The following MINK1 variants were observed in gnomAD, a reference collection of about 807,000 sequenced individuals.
MINK1 encodes the protein misshapen-like kinase 1.
MINK1 carries 46 observed loss-of-function variants against 178.4 expected under a neutral mutation model. That is an observed-to-expected ratio of 0.26 (90% CI 0.20 to 0.33). MINK1 has a LOEUF of 0.33. MINK1 is among the 10% of genes least tolerant of loss of function. The probability of loss-of-function intolerance (pLI) is 1.00; values close to 1 mark genes in which losing one functional copy is unlikely to be tolerated. For synonymous variants in MINK1, 797 were observed against 709.7 expected (o/e 1.12, Z -1.96); for missense variants, 1,366 against 1,814.9 (o/e 0.75, Z 4.49).
At position 4,892,252 on chromosome 17, in the gene MINK1, C is replaced by T. The variant is rs375042065; in HGVS notation, c.2087+18C>T. On this transcript the variant is annotated intron_variant, in intron 17 of 31. Coordinates refer to ENST00000355280, the MANE Select transcript of MINK1 (RefSeq NM_153827.5). ...CGTGCCAGGTAATGCCTGGGTAGGG[C>T]AACGCCTGGGTGAGGTCTGAGGGCA... 19 of 1,556,174 alleles carry T rather than the reference C, an allele frequency of 1.2e-5. No homozygotes were observed. The African/African-American group carries it at 2.3e-4, about 19-fold the overall frequency.
At chr17:4,890,036 C>G in intron 13 of MINK1, 1 of 546,118 alleles carries the variant, frequency 1.8e-6, no homozygotes, top group Non-Finnish European at 3.2e-6. Flanking sequence ...CTCTTCTTCC[C>G]CATCTGTGCC....
chr17:4,886,505 C>A lies in MINK1; in HGVS notation c.828C>A (p.Ser276Arg). Residue 276 changes from serine (S) to arginine (R), a missense_variant, in exon 10 of 32, where the codon AGC becomes AGA. By Grantham distance (110) the Ser-to-Arg change is moderately radical. Transcript: ENST00000355280. The surrounding 1 kb of genome is among the most constrained non-coding windows in gnomAD (Gnocchi z 6.1). ...CATGTCTCATCAAGACTTACCTGAG[C>A]CGCCCACCCACGGAGCAGCTACTGA... Reference protein sequence around the residue: ...IDTCLIKTYLSRPPTEQLLKF... With the variant: ...IDTCLIKTYLRRPPTEQLLKF... 7 of 1,613,376 alleles carry A rather than the reference C, an allele frequency of 4.3e-6. No homozygotes were observed. The highest frequency in any genetic ancestry group is 5.9e-6 in the Non-Finnish European group (7 of 1,179,618).
chr17:4,871,045 C>T lies in MINK1; in HGVS notation c.58-7272C>T, dbSNP rs184749377. 302 of 355,100 alleles carry T rather than the reference C, an allele frequency of 8.5e-4. 2 individuals carry two copies. The highest frequency in any genetic ancestry group is 6.0e-3 in the African/African-American group (276 of 46,202). 22.0% of individuals were successfully genotyped at this position (355,100 alleles called of 1,614,324 possible). On this transcript the variant is annotated intron_variant, in intron 1 of 31. Coordinates refer to ENST00000355280, the MANE Select transcript of MINK1 (RefSeq NM_153827.5). ...TCTCTTTAGACTTGCCTATTCTGGA[C>T]GTTACACATAAATGTAGCCACATAA...
At position 4,896,038 on chromosome 17, in the gene MINK1, C is replaced by G; in HGVS notation, c.3400C>G (p.Leu1134Val). 1 of 1,605,642 alleles carries G rather than the reference C, an allele frequency of 6.2e-7. No homozygotes were observed. The highest frequency in any genetic ancestry group is 8.5e-7 in the Non-Finnish European group (1 of 1,176,080). The change falls in exon 28 of 32, where the codon CTC (leucine) becomes GTC (valine). Residue 1134 changes from leucine to valine, a missense_variant. Leu to Val is a conservative substitution (Grantham distance 32, BLOSUM62 1). Coordinates refer to ENST00000355280, the MANE Select transcript of MINK1 (RefSeq NM_153827.5). The surrounding 1 kb of genome is among the most constrained non-coding windows in gnomAD (Gnocchi z 4.6). ...GCGGATTAAGTTCCTGGTCATCGCC[C>G]TCAAGAGCTCCGTGGAGGTGTATGC... The part of the protein sequence containing the change: ...YERIKFLVIA[L>V]KSSVEVYAWA...
At chr17:4,854,482 T>A (rs9891959) in intron 1 of MINK1, among the ~76,000 whole-genome samples, 7 of 152,092 alleles carry the variant, frequency 4.6e-5, no homozygotes, top group African/African-American at 1.7e-4. Flanking sequence ...CTGCTCTGAC[T>A]GGTTTCTGAT....
intron 1 of MINK1, among the ~76,000 whole-genome samples, chr17:4,853,337 A>T (rs910047825): frequency 3.7e-5 from 1 of 26,710 alleles, no homozygotes; most frequent in African/African-American, 1.7e-4. Context: ...TTGGTGGGGG[A>T]GTGTGGTTGG....
rs1305165570 is a variant in MINK1, at chr17:4,892,808, G to A, written c.2311+40G>A. 2.6e-6 allele frequency: 4 copies of A among 1,545,408 alleles called. No individual in the cohort carries two copies. The African/African-American group carries it at 5.5e-5, about 21-fold the overall frequency. On this transcript the variant is annotated intron_variant, in intron 19 of 31. Transcript: ENST00000355280. ...GCTGGGCAGCCTGCTCTGGGCCTGG[G>A]GGCTTATCACCATGGACCCTGCCTT...
intron 1 of MINK1, among the ~76,000 whole-genome samples, chr17:4,834,367 C>G (rs1908964801): frequency 6.6e-6 from 1 of 152,066 alleles, no homozygotes; most frequent in African/African-American, 2.4e-5. Context: ...GTAGCACGGG[C>G]TGGGAAGAGG....
chr17:4,881,019 C>A lies in MINK1; in HGVS notation c.159C>A (p.Ile53=). 1 of 1,529,432 alleles carries A rather than the reference C, an allele frequency of 6.5e-7. No homozygotes were observed. Among genetic ancestry groups the A allele is most frequent in the Non-Finnish European group, 8.8e-7 (1 of 1,142,818 alleles). The allele number at this position is 1,529,432 out of a possible 1,614,324, so 94.7% of individuals were successfully genotyped here. A position where few individuals can be genotyped will look rare whatever the true frequency, so the allele number is the denominator to read the frequency against. ...RHVKTGQLAA[I]KVMDVTEDEE... ...TCAAGACGGGGCAGCTGGCTGCCATCAAGGTCATGGATGTCACGGAGGTAG... is the reference window on the plus strand; with the variant it reads ...TCAAGACGGGGCAGCTGGCTGCCATAAAGGTCATGGATGTCACGGAGGTAG... Residue 53 remains isoleucine (I), a synonymous_variant, in exon 3 of 32, where the codon ATC becomes ATA. Transcript: ENST00000355280.
Position 4,833,441 on chromosome 17 carries a change from GC to G in MINK1, c.-140del, listed in dbSNP as rs1908782797. ...AGTCGGTGGGTCGGTCCTCGCGCCG[GC>G]CCTCCCCCTCCCCGGTCTCCGGGGG... is the stretch of plus-strand genomic sequence containing the variant. On this transcript the variant is annotated 5_prime_UTR_variant, in exon 1 of 32. Coordinates refer to ENST00000355280, the MANE Select transcript of MINK1 (RefSeq NM_153827.5). The surrounding 1 kb of genome is among the most constrained non-coding windows in gnomAD (Gnocchi z 4.8). 3.2e-5 allele frequency: 20 copies of G among 618,860 alleles called. No homozygotes were observed. In the South Asian group the frequency reaches 3.8e-4, roughly 12 times the overall value. 38.3% of individuals were successfully genotyped at this position (618,860 alleles called of 1,614,324 possible).
At position 4,894,701 on chromosome 17, in the gene MINK1, GTCTTGAGACGCAGCC is replaced by G. The variant is rs375571268; in HGVS notation, c.2917+71_2917+85del. 8.3e-4 allele frequency: 1,004 copies of G among 1,216,682 alleles called. 8 individuals are homozygous for G. In the African/African-American group the frequency reaches 0.01, roughly 12 times the overall value. The allele number at this position is 1,216,682 out of a possible 1,614,324, so 75.4% of individuals were successfully genotyped here. A position where few individuals can be genotyped will look rare whatever the true frequency, so the allele number is the denominator to read the frequency against. On this transcript the variant is annotated intron_variant, in intron 24 of 31. Transcript: ENST00000355280. The surrounding 1 kb of genome is among the most constrained non-coding windows in gnomAD (Gnocchi z 4.1). ...GGGCAGCCTGGAGGGGAGCACAGTG[GTCTTGAGACGCAGCC>G]TCACAAAGCATAGCCACAGGACCTC...
At chr17:4,889,586 G>A in intron 12 of MINK1, 61 bp from the exon 13 acceptor site, 1 of 1,383,724 alleles carries the variant, frequency 7.2e-7, no homozygotes, top group Non-Finnish European at 1.0e-6. Flanking sequence ...CCTGTCCATG[G>A]AGGGGCAGTG....
intron 16 of MINK1, among the ~76,000 whole-genome samples, chr17:4,891,918 C>T (rs1042979757): frequency 8.5e-5 from 13 of 152,246 alleles, no homozygotes; most frequent in African/African-American, 1.4e-4. Context: ...AGCGTGGGAA[C>T]GGAGAAACGC....
chr17:4,838,107 C>T (rs918950848), intron 1 of MINK1, among the ~76,000 whole-genome samples: 1 of 152,178 alleles, frequency 6.6e-6, no homozygotes, highest in Non-Finnish European at 1.5e-5. Flanking sequence ...TGACCTCCTG[C>T]TGCAGAAGTA....
Position 4,896,534 on chromosome 17 carries a change from G to A in MINK1, c.3721G>A (p.Gly1241Arg), listed in dbSNP as rs753892115. 2 of 1,613,936 alleles carry A rather than the reference G, an allele frequency of 1.2e-6. No homozygotes were observed. The highest frequency in any genetic ancestry group is 2.2e-5 in the East Asian group (1 of 44,880). The change falls in exon 30 of 32, where the codon GGG becomes AGG. Residue 1241 changes from glycine to arginine, a missense_variant. Physicochemically the swap from Gly to Arg is moderately radical, Grantham distance 125 (BLOSUM62 -2). Around this residue, in one of 14 missense-constraint regions of MINK1, gnomAD observed 201 missense variants for 240.7 expected, o/e 0.84. Transcript: ENST00000355280. The surrounding 1 kb of genome is among the most constrained non-coding windows in gnomAD (Gnocchi z 4.6). ...CGAGGGTGTCTACGTCAACACGTAC[G>A]GGCGCATCATTAAGGATGTGGTGCT... is the stretch of plus-strand genomic sequence containing the variant. ...EDEGVYVNTYGRIIKDVVLQW... is the reference protein window; with the variant it reads ...EDEGVYVNTYRRIIKDVVLQW...
intron 1 of MINK1, among the ~76,000 whole-genome samples, chr17:4,871,392 A>T (rs1408627994): frequency 2.0e-5 from 3 of 151,800 alleles, no homozygotes; most frequent in African/African-American, 7.2e-5. Context: ...TGGTCTTATT[A>T]TCTTGCCAAG....
At chr17:4,892,364 C>G (rs1008575765) in intron 17 of MINK1, 38 bp from the exon 18 acceptor site, 2 of 1,470,552 alleles carry the variant, frequency 1.4e-6, no homozygotes, top group South Asian at 1.2e-5. Context: ...TCAGCGCCCC[C>G]CCGCCGCCCC....
At position 4,885,877 on chromosome 17, in the gene MINK1, G is replaced by T; in HGVS notation, c.640-34G>T. 6.2e-7 allele frequency: 1 copy of T among 1,610,738 alleles called. No homozygotes were observed. Among genetic ancestry groups the T allele is most frequent in the Non-Finnish European group, 8.5e-7 (1 of 1,177,400 alleles). ...AGAGGTTGCAGGGCAGAGTTGTCAGGAATATTCACTTGTTCCTTCTTTCCC... is the reference window on the plus strand; with the variant it reads ...AGAGGTTGCAGGGCAGAGTTGTCAGTAATATTCACTTGTTCCTTCTTTCCC... On this transcript the variant is annotated intron_variant, in intron 7 of 31. Coordinates refer to ENST00000355280, the MANE Select transcript of MINK1 (RefSeq NM_153827.5). The surrounding 1 kb of genome is among the most constrained non-coding windows in gnomAD (Gnocchi z 5.0).
chr17:4,834,673 C>T (rs1909017234), intron 1 of MINK1: 2 of 485,174 alleles, frequency 4.1e-6, no homozygotes, highest in Non-Finnish European at 8.2e-6. Context: ...TTAGTGATTT[C>T]AAGGTGAACA....
Sources: allele counts gnomAD v4.1 joint callset (sites outside exome capture counted in the v4.1 genomes callset), GRCh38; gene constraint gnomAD v4.1.1; regional missense constraint gnomAD v4.1.1; non-coding constraint Gnocchi (gnomAD v3.1); transcripts MANE v1.5; gene names NCBI Gene and HGNC (gene_info 2026-07-23, HGNC 2026-07-21).